Variants in ZNF366 observed in about 807,000 individuals in gnomAD.
ZNF366 encodes the protein dendritic cell-specific transcript protein.
Under a neutral mutation model 47.2 loss-of-function variants are expected in ZNF366, and 20 were observed. The observed-to-expected ratio is 0.42, with a 90% confidence interval of 0.30 to 0.62. The LOEUF is 0.62. Among genes scored for constraint, ZNF366 ranks in the 20% least tolerant of loss-of-function variants. The pLI is 0.16. For synonymous variants in ZNF366, 421 were observed against 395.1 expected, an observed-to-expected ratio of 1.07 and a Z score of -0.78; for missense variants, 987 against 976.3, an observed-to-expected ratio of 1.01 and a Z score of -0.15.
In ZNF366 at chr5:72,443,897, C is replaced by A; in HGVS notation, c.2094G>T (p.Glu698Asp). The change falls in exon 5 of 5, where the codon GAG (glutamate) becomes GAT (aspartate). Residue 698 changes from glutamate to aspartate, a missense_variant. Physicochemically the swap from Glu to Asp is conservative, Grantham distance 45. This residue lies in a region of ZNF366 where 285 missense variants were observed against 234.8 expected (regional missense o/e 1.21). Transcript: ENST00000318442. ...GQERDCAGRD[E>D]CLSLRAFQST... ...TCTGAAAAGCCCTGAGACTGAGACACTCATCTCTGCCGGCACAGTCTCTCT... is the reference window on the plus strand; with the variant it reads ...TCTGAAAAGCCCTGAGACTGAGACAATCATCTCTGCCGGCACAGTCTCTCT... 6.2e-7 allele frequency: 1 copy of A among 1,614,224 alleles called. No homozygotes were observed. The highest frequency in any genetic ancestry group is 8.5e-7 in the Non-Finnish European group (1 of 1,180,046).
intron 1 of ZNF366, among the ~76,000 whole-genome samples, chr5:72,506,538 C>T (rs922577866): frequency 3.3e-5 from 5 of 152,190 alleles, no homozygotes; most frequent in African/African-American, 1.2e-4. Context: ...CCATCTTAAT[C>T]CTCCCATTCT....
intron 1 of ZNF366, among the ~76,000 whole-genome samples, chr5:72,467,848 C>CAAG (rs1015331173): frequency 6.6e-6 from 1 of 151,962 alleles, no homozygotes; most frequent in East Asian, 1.9e-4. Context: ...CTGTTCTCAA[C>CAAG]AGAGGTGGAA....
intron 3 of ZNF366, among the ~76,000 whole-genome samples, chr5:72,455,796 T>G (rs1007653307): frequency 1.3e-5 from 2 of 152,222 alleles, no homozygotes; most frequent in African/African-American, 4.8e-5. Context: ...TGAAAGGCAC[T>G]TGAAGTGACT....
chr5:72,473,728 T>A (rs559352947), intron 1 of ZNF366, among the ~76,000 whole-genome samples: 1 of 152,310 alleles, frequency 6.6e-6, no homozygotes, highest in Admixed American at 6.5e-5. Context: ...AACCCACTGA[T>A]CCCCGGGTTA....
At chr5:72,478,373 C>G (rs1031627001) in intron 1 of ZNF366, among the ~76,000 whole-genome samples, 1 of 149,072 alleles carries the variant, frequency 6.7e-6, no homozygotes, top group Non-Finnish European at 1.5e-5. Flanking sequence ...ATCCCTGCAT[C>G]AATCCTGCAA....
chr5:72,506,593 C>T (rs1158533026), intron 1 of ZNF366, among the ~76,000 whole-genome samples: 1 of 152,156 alleles, frequency 6.6e-6, no homozygotes, highest in Non-Finnish European at 1.5e-5. Context: ...GCCCCAAAAC[C>T]TTTGCCTTCT....
chr5:72,441,297 G>A lies in ZNF366; in HGVS notation c.*2459C>T, dbSNP rs1214386295. On this transcript the variant is annotated 3_prime_UTR_variant, in exon 5 of 5. Coordinates refer to ENST00000318442, the MANE Select transcript of ZNF366 (RefSeq NM_152625.3). ...GACGTGTGGTCAAACACAGCACATA[G>A]TAGGTCCTCAACACATGGCCGCAGT... 6.6e-6 allele frequency: 1 copy of A among 152,200 alleles called. No homozygotes were observed. Among genetic ancestry groups the A allele is most frequent in the Non-Finnish European group, 1.5e-5 (1 of 68,038 alleles). 9.4% of individuals were successfully genotyped at this position (152,200 alleles called of 1,614,324 possible).
At chr5:72,473,075 C>T (rs754736975) in intron 1 of ZNF366, among the ~76,000 whole-genome samples, 29 of 152,214 alleles carry the variant, frequency 1.9e-4, no homozygotes, top group Admixed American at 3.3e-4. Context: ...CTATCTTATA[C>T]AATCACCAGT....
intron 3 of ZNF366, among the ~76,000 whole-genome samples, chr5:72,452,569 AAAGT>A (rs1397485380): frequency 6.6e-6 from 1 of 152,192 alleles, no homozygotes; most frequent in Non-Finnish European, 1.5e-5. Context: ...AGCGTCAAAG[AAAGT>A]GAGGGGAAAA....
intron 1 of ZNF366, among the ~76,000 whole-genome samples, chr5:72,482,746 TTGTGTGTG>T (rs3041122): frequency 1.5e-4 from 21 of 141,078 alleles, no homozygotes; most frequent in Non-Finnish European, 2.4e-4. Flanking sequence ...CATTTCTATT[TTGTGTGTG>T]TGTGTGTGTG....
intron 1 of ZNF366, among the ~76,000 whole-genome samples, chr5:72,505,271 A>G (rs1327656169): frequency 6.6e-6 from 1 of 152,182 alleles, no homozygotes; most frequent in Admixed American, 6.5e-5. Flanking sequence ...AGATAGATTG[A>G]GTGGTAGTGA....
chr5:72,500,248 T>C (rs1445991093), intron 1 of ZNF366, among the ~76,000 whole-genome samples: 1 of 152,162 alleles, frequency 6.6e-6, no homozygotes, highest in Non-Finnish European at 1.5e-5. Context: ...TGCGGTGCCC[T>C]AATGTGTGCA....
intron 1 of ZNF366, among the ~76,000 whole-genome samples, chr5:72,500,350 G>T (rs1744192052): frequency 1.3e-5 from 2 of 152,052 alleles, no homozygotes; most frequent in South Asian, 4.2e-4. Flanking sequence ...TACCCTCCCT[G>T]GGGGCTTCCT....
chr5:72,462,676 G>T (rs1743348915), intron 1 of ZNF366, among the ~76,000 whole-genome samples: 1 of 151,400 alleles, frequency 6.6e-6, no homozygotes, highest in South Asian at 2.1e-4. Context: ...TCAGCCTCCT[G>T]AGTAGCTGAG....
chr5:72,457,758 A>T (rs1357640706), intron 2 of ZNF366, among the ~76,000 whole-genome samples: 1 of 152,138 alleles, frequency 6.6e-6, no homozygotes, highest in Admixed American at 6.5e-5. Flanking sequence ...TCATCACAAG[A>T]TGAAGTGGTG....
chr5:72,469,965 A>G (rs1011413147), intron 1 of ZNF366, among the ~76,000 whole-genome samples: 1 of 152,172 alleles, frequency 6.6e-6, no homozygotes, highest in Non-Finnish European at 1.5e-5. Flanking sequence ...AGATTGCTTG[A>G]GCTCGGGATT....
In ZNF366 at chr5:72,442,433, T is replaced by C. The variant is rs533422786; in HGVS notation, c.*1323A>G. On this transcript the variant is annotated 3_prime_UTR_variant, in exon 5 of 5. Coordinates refer to ENST00000318442, the MANE Select transcript of ZNF366 (RefSeq NM_152625.3). Reference sequence around the variant, plus strand: ...AATGGGTAAGGCCTTGGTTTGGTGGTTTTTTTTTAAAGGTCACCCCAGATG... The same window carrying C: ...AATGGGTAAGGCCTTGGTTTGGTGGCTTTTTTTTAAAGGTCACCCCAGATG... 1 of 151,390 alleles carries C rather than the reference T, an allele frequency of 6.6e-6. No homozygotes were observed. Among genetic ancestry groups the C allele is most frequent in the African/African-American group, 2.4e-5 (1 of 41,174 alleles). 9.4% of individuals were successfully genotyped at this position (151,390 alleles called of 1,614,324 possible).
chr5:72,472,013 C>A (rs1743575032), intron 1 of ZNF366, among the ~76,000 whole-genome samples: 1 of 152,138 alleles, frequency 6.6e-6, no homozygotes, highest in Non-Finnish European at 1.5e-5. Flanking sequence ...AGTTTTATGA[C>A]CTAGGCTTGT....
intron 4 of ZNF366, among the ~76,000 whole-genome samples, chr5:72,445,900 C>G (rs1323030573): frequency 6.6e-6 from 1 of 152,164 alleles, no homozygotes; most frequent in Non-Finnish European, 1.5e-5. Flanking sequence ...TGCACAAACT[C>G]CAGCCCTTTT....
Sources: gnomAD v4.1 joint callset for allele counts (sites outside exome capture counted in the v4.1 genomes callset) on GRCh38, gnomAD v4.1.1 for gene constraint, gnomAD v4.1.1 regional missense constraint, MANE v1.5 for transcripts, NCBI Gene and HGNC (gene_info 2026-07-23, HGNC 2026-07-21) for gene names.